The following PI4KA variants were observed in gnomAD, a reference collection of about 807,000 sequenced individuals.
PI4KA encodes phosphatidylinositol 4-kinase alpha, also known as PI4-kinase alpha.
PI4KA carries 122 observed loss-of-function variants against 271.4 expected under a neutral mutation model. That is an observed-to-expected ratio of 0.45 (90% CI 0.39 to 0.52). PI4KA has a LOEUF of 0.52. Among genes scored for constraint, PI4KA ranks in the 20% least tolerant of loss-of-function variants. The probability of loss-of-function intolerance (pLI) is 0.00; values close to 1 mark genes in which losing one functional copy is unlikely to be tolerated. For missense variants in PI4KA, 1,969 were observed against 2,769.1 expected (o/e 0.71, Z 6.48); for synonymous variants, 1,041 against 1,078.8 (o/e 0.96, Z 0.69).
chr22:20,769,126 G>A (rs1389569993), intron 19 of PI4KA, among the ~76,000 whole-genome samples: 2 of 152,230 alleles, frequency 1.3e-5, no homozygotes, highest in Non-Finnish European at 2.9e-5. Context: ...CTCTCAATGA[G>A]AACAGTAGCT....
chr22:20,854,287 A>G (rs1228657059), intron 1 of PI4KA, among the ~76,000 whole-genome samples: 1 of 151,848 alleles, frequency 6.6e-6, no homozygotes, highest in Non-Finnish European at 1.5e-5. Context: ...CGCCTGGCTA[A>G]TTTTTGTATT....
chr22:20,762,927 C>A (rs932947575), intron 22 of PI4KA, among the ~76,000 whole-genome samples: 4 of 147,924 alleles, frequency 2.7e-5, no homozygotes, highest in African/African-American at 1.0e-4. Context: ...ACCTCCTAGG[C>A]TTAAGCAACC....
intron 25 of PI4KA, 62 bp downstream of exon 25, chr22:20,752,841 C>G: frequency 6.5e-7 from 1 of 1,537,310 alleles, no homozygotes; most frequent in Non-Finnish European, 8.9e-7. Flanking sequence ...TTTTTCCCAG[C>G]ATTTGAAATC....
intron 3 of PI4KA, among the ~76,000 whole-genome samples, chr22:20,827,272 G>A (rs1235537329): frequency 6.6e-6 from 1 of 152,160 alleles, no homozygotes; most frequent in Non-Finnish European, 1.5e-5. Flanking sequence ...TCCGAATATA[G>A]CTAGCCAGTT....
intron 19 of PI4KA, among the ~76,000 whole-genome samples, chr22:20,789,698 T>C (rs1438006122): frequency 1.3e-5 from 2 of 152,208 alleles, no homozygotes; most frequent in African/African-American, 4.8e-5. Context: ...ATTCTCAATC[T>C]AAGAGAGTAC....
At chr22:20,787,233 T>C (rs957355433) in intron 19 of PI4KA, 5 of 676,108 alleles carry the variant, frequency 7.4e-6, no homozygotes, top group Admixed American at 2.2e-5. Context: ...GAGAGGCTTG[T>C]TGGAATCAAT....
chr22:20,858,650 C>CGCTGGA lies in PI4KA; in HGVS notation c.70_75dup (p.Ser24_Ser25dup). ...GTGTTGAAATAGAAGCCCCGCGAGG[C>CGCTGGA]GCTGGAGCCGGAGCCGGAGCAGCCG... is the stretch of plus-strand genomic sequence containing the variant. On this transcript the variant is annotated inframe_insertion, in exon 1 of 55. Transcript: ENST00000255882. 1 of 1,484,032 alleles carries CGCTGGA rather than the reference C, an allele frequency of 6.7e-7. No individual in the cohort carries two copies. Among genetic ancestry groups the CGCTGGA allele is most frequent in the Non-Finnish European group, 8.9e-7 (1 of 1,123,706 alleles). 91.9% of individuals were successfully genotyped at this position (1,484,032 alleles called of 1,614,324 possible). A position where few individuals can be genotyped will look rare whatever the true frequency, so the allele number is the denominator to read the frequency against.
Position 20,821,170 on chromosome 22 carries a change from A to T in PI4KA, c.457-559T>A, listed in dbSNP as rs60522993. Among the ~76,000 whole-genome samples, 30 of 152,312 alleles carry T rather than the reference A, an allele frequency of 2.0e-4. No individual in the cohort carries two copies. In the East Asian group the frequency reaches 5.6e-3, roughly 28 times the overall value. On this transcript the variant is annotated intron_variant, in intron 4 of 54. Coordinates refer to ENST00000255882, the MANE Select transcript of PI4KA (RefSeq NM_058004.4). Reference sequence around the variant, plus strand: ...ACATTAGCTTTTCTGCAGCCACTTCACACTGCTTATGTGAAGCTCATCTCA... The same window carrying T: ...ACATTAGCTTTTCTGCAGCCACTTCTCACTGCTTATGTGAAGCTCATCTCA...
At chr22:20,730,581 T>C (rs1285940263) in intron 36 of PI4KA, among the ~76,000 whole-genome samples, 1 of 151,264 alleles carries the variant, frequency 6.6e-6, no homozygotes, top group Non-Finnish European at 1.5e-5. Context: ...AGCCTATGTT[T>C]TATTTTTGAG....
chr22:20,778,887 G>A (rs1444738263), intron 19 of PI4KA, among the ~76,000 whole-genome samples: 1 of 152,134 alleles, frequency 6.6e-6, no homozygotes, highest in Non-Finnish European at 1.5e-5. Flanking sequence ...TTTACTGCAC[G>A]TCTGTCCCAT....
At chr22:20,759,915 G>T (rs1931782101) in intron 23 of PI4KA, among the ~76,000 whole-genome samples, 1 of 151,980 alleles carries the variant, frequency 6.6e-6, no homozygotes, top group East Asian at 1.9e-4. Flanking sequence ...GGCCAGGCTG[G>T]TCTCAAACTC....
chr22:20,814,828 A>C (rs1367390083), intron 7 of PI4KA, among the ~76,000 whole-genome samples: 5 of 151,778 alleles, frequency 3.3e-5, no homozygotes. Context: ...AAAAATCAAC[A>C]AAAATAAAGT....
intron 2 of PI4KA, among the ~76,000 whole-genome samples, chr22:20,835,132 G>GT (rs112694123): frequency 3.4e-3 from 491 of 145,816 alleles, no homozygotes; most frequent in African/African-American, 9.4e-3. Flanking sequence ...TTTTCCTTGT[G>GT]TTTTTTTTTT....
At chr22:20,727,183 T>G (rs769303912) in intron 41 of PI4KA, 47 bp downstream of exon 41, 1 of 1,570,986 alleles carries the variant, frequency 6.4e-7, no homozygotes, top group Admixed American at 2.0e-5. Context: ...GTAAGACCCC[T>G]CCCAACAGTC....
intron 13 of PI4KA, among the ~76,000 whole-genome samples, chr22:20,802,481 G>A (rs888938252): frequency 2.6e-5 from 4 of 152,184 alleles, no homozygotes; most frequent in Non-Finnish European, 1.5e-5. Flanking sequence ...GCTTGCGGGA[G>A]CAGGGGCCTT....
chr22:20,754,201 C>T (rs1931025272), intron 23 of PI4KA, among the ~76,000 whole-genome samples: 1 of 152,182 alleles, frequency 6.6e-6, no homozygotes, highest in East Asian at 1.9e-4. Context: ...GATCCTCCCA[C>T]CTCAGCCTCC....
At chr22:20,829,951 T>C (rs1416001857) in intron 3 of PI4KA, among the ~76,000 whole-genome samples, 1 of 152,210 alleles carries the variant, frequency 6.6e-6, no homozygotes, top group Admixed American at 6.5e-5. Flanking sequence ...TTCATGTAAT[T>C]ATATGCTTTC....
chr22:20,727,969 A>G, intron 39 of PI4KA, 105 bp from the exon 40 acceptor site: 1 of 725,540 alleles, frequency 1.4e-6, no homozygotes, highest in Non-Finnish European at 2.3e-6. Context: ...AACTGGAGGG[A>G]TTCACATCAA....
At chr22:20,738,907 A>G (rs1929045869) in intron 32 of PI4KA, among the ~76,000 whole-genome samples, 1 of 152,108 alleles carries the variant, frequency 6.6e-6, no homozygotes, top group South Asian at 2.1e-4. Context: ...CACCAGACAT[A>G]AGAAAGACAT....
Sources: allele counts gnomAD v4.1 joint callset (sites outside exome capture counted in the v4.1 genomes callset), GRCh38; gene constraint gnomAD v4.1.1; transcripts MANE v1.5; gene names NCBI Gene and HGNC (gene_info 2026-07-23, HGNC 2026-07-21).